Variants in CLSTN1 observed in about 807,000 individuals in gnomAD.
CLSTN1 encodes calsyntenin-1.
CLSTN1 carries 28 observed loss-of-function variants against 108.3 expected under a neutral mutation model. That is an observed-to-expected ratio of 0.26 (90% CI 0.19 to 0.35). The LOEUF is 0.35. Ranked by LOEUF, CLSTN1 falls within the 10% of genes least tolerant of loss-of-function variation. The probability of loss-of-function intolerance (pLI) is 1.00; values close to 1 mark genes in which losing one functional copy is unlikely to be tolerated. For missense variants in CLSTN1, 1,157 were observed against 1,302.6 expected, an observed-to-expected ratio of 0.89 and a Z score of 1.72; for synonymous variants, 524 against 534.9, an observed-to-expected ratio of 0.98 and a Z score of 0.28.
At chr1:9,810,282 G>A (rs1260936662) in intron 1 of CLSTN1, among the ~76,000 whole-genome samples, 3 of 151,326 alleles carry the variant, frequency 2.0e-5, no homozygotes, top group East Asian at 3.9e-4. Context: ...ACGAGACCAG[G>A]CTGGCCAACA....
chr1:9,808,443 T>C (rs1654596202), intron 1 of CLSTN1, among the ~76,000 whole-genome samples: 1 of 152,222 alleles, frequency 6.6e-6, no homozygotes, highest in South Asian at 2.1e-4. Flanking sequence ...AAGCATTGTT[T>C]ATAACAAATT....
Position 9,730,357 on chromosome 1 carries a change from C to CT in CLSTN1, c.*150dup. Reference sequence around the variant, plus strand: ...GAGGGTGGGCGGGGAGCCTAGGGTCCTACACACCAAGCACAGCGACGATCG... The same window carrying CT: ...GAGGGTGGGCGGGGAGCCTAGGGTCCTTACACACCAAGCACAGCGACGATCG... On this transcript the variant is annotated 3_prime_UTR_variant, in exon 19 of 19. Transcript: ENST00000377298. The surrounding 1 kb of genome is among the most constrained non-coding windows in gnomAD (Gnocchi z 5.6). 1.3e-6 allele frequency: 1 copy of CT among 754,418 alleles called. No homozygotes were observed. The highest frequency in any genetic ancestry group is 2.3e-6 in the Non-Finnish European group (1 of 433,820). 46.7% of individuals were successfully genotyped at this position (754,418 alleles called of 1,614,324 possible). A position where few individuals can be genotyped will look rare whatever the true frequency, so the allele number is the denominator to read the frequency against.
At position 9,729,304 on chromosome 1, in the gene CLSTN1, AAG is replaced by A. The variant is rs1191490026; in HGVS notation, c.*1202_*1203del. ...GAAATCTAAAATTTTACATGTAACT[AAG>A]AGCAAAGTGCTATGTGGGTTTTAGA... On this transcript the variant is annotated 3_prime_UTR_variant, in exon 19 of 19. Transcript: ENST00000377298. The A allele has an allele frequency of 6.6e-6, 1 of 152,604 alleles. No individual in the cohort carries two copies. Among genetic ancestry groups the A allele is most frequent in the Non-Finnish European group, 1.5e-5 (1 of 68,036 alleles). The allele number at this position is 152,604 out of a possible 1,614,324, so 9.5% of individuals were successfully genotyped here.
intron 1 of CLSTN1, among the ~76,000 whole-genome samples, chr1:9,778,592 G>C (rs935732836): frequency 2.6e-5 from 4 of 152,112 alleles, no homozygotes; most frequent in African/African-American, 9.7e-5. Flanking sequence ...TTAAGTTATG[G>C]AAGGTTAGAT....
At position 9,783,012 on chromosome 1, in the gene CLSTN1, G is replaced by GA. The variant is rs527661817; in HGVS notation, c.92-9619dup. On this transcript the variant is annotated intron_variant, in intron 1 of 18. Coordinates refer to ENST00000377298, the MANE Select transcript of CLSTN1 (RefSeq NM_001009566.3). Reference sequence around the variant, plus strand: ...ACAGAGCGAGACTCCATCTCAAAAAGAAAAAGAGAGAGAGAGGCTGGACCC... The same window carrying GA: ...ACAGAGCGAGACTCCATCTCAAAAAGAAAAAAGAGAGAGAGAGGCTGGACCC... Among the ~76,000 whole-genome samples, 659 of 151,886 alleles carry GA rather than the reference G, an allele frequency of 4.3e-3. 3 individuals are homozygous for GA. Among genetic ancestry groups the GA allele is most frequent in the African/African-American group, 0.014 (590 of 41,458 alleles).
chr1:9,752,405 A>G (rs1326312131), intron 4 of CLSTN1, among the ~76,000 whole-genome samples: 3 of 152,198 alleles, frequency 2.0e-5, no homozygotes, highest in African/African-American at 4.8e-5. Flanking sequence ...TTTTCAAGGG[A>G]AACAATAACA....
chr1:9,774,684 A>G (rs1652851110), intron 1 of CLSTN1, among the ~76,000 whole-genome samples: 1 of 151,984 alleles, frequency 6.6e-6, no homozygotes, highest in African/African-American at 2.4e-5. Flanking sequence ...AAGGGTCCCA[A>G]TCCAGCCCCC....
At chr1:9,753,213 G>A (rs570658703) in intron 4 of CLSTN1, among the ~76,000 whole-genome samples, 4 of 152,296 alleles carry the variant, frequency 2.6e-5, no homozygotes, top group African/African-American at 7.2e-5. Context: ...CAGGGTTCGC[G>A]CTCCTGTGAG....
chr1:9,789,524 CTT>C (rs747232627), intron 1 of CLSTN1, among the ~76,000 whole-genome samples: 3 of 151,502 alleles, frequency 2.0e-5, no homozygotes, highest in Non-Finnish European at 4.4e-5. Context: ...CAGAATGAAT[CTT>C]GTTTGACTTC....
At chr1:9,737,139 C>T (rs552560567) in intron 11 of CLSTN1, among the ~76,000 whole-genome samples, 1 of 152,080 alleles carries the variant, frequency 6.6e-6, no homozygotes, top group African/African-American at 2.4e-5. Context: ...TATCTAGAAA[C>T]AAGTCTTTTC....
At chr1:9,747,818 C>A (rs1048897412) in intron 7 of CLSTN1, among the ~76,000 whole-genome samples, 2 of 151,974 alleles carry the variant, frequency 1.3e-5, no homozygotes, top group Admixed American at 6.6e-5. Flanking sequence ...CCGAGGTGGG[C>A]GGATCACGAG....
At chr1:9,814,080 T>A (rs1234599775) in intron 1 of CLSTN1, among the ~76,000 whole-genome samples, 12 of 151,044 alleles carry the variant, frequency 7.9e-5, no homozygotes, top group Admixed American at 7.9e-4. Context: ...CCAGCCTGGG[T>A]GACAGAGCGA....
chr1:9,748,292 A>G (rs918455858), intron 7 of CLSTN1, among the ~76,000 whole-genome samples: 4 of 152,162 alleles, frequency 2.6e-5, no homozygotes, highest in Non-Finnish European at 5.9e-5. Flanking sequence ...TCATTTAGAT[A>G]AACCAGAAAA....
At chr1:9,775,524 C>T (rs948757907) in intron 1 of CLSTN1, among the ~76,000 whole-genome samples, 1 of 152,044 alleles carries the variant, frequency 6.6e-6, no homozygotes, top group Non-Finnish European at 1.5e-5. Flanking sequence ...CGATGTCAGA[C>T]GTCCTCCTGG....
intron 2 of CLSTN1, among the ~76,000 whole-genome samples, chr1:9,760,077 G>T (rs1651998657): frequency 1.3e-5 from 2 of 152,074 alleles, no homozygotes; most frequent in African/African-American, 4.8e-5. Flanking sequence ...CTTGTTGGTT[G>T]GTTGTTTTAG....
chr1:9,766,004 TCA>T (rs1652312270), intron 2 of CLSTN1, among the ~76,000 whole-genome samples: 1 of 152,100 alleles, frequency 6.6e-6, no homozygotes, highest in African/African-American at 2.4e-5. Flanking sequence ...CTGGCCACCC[TCA>T]GGGCATGTGA....
At chr1:9,803,824 A>T (rs1376281665) in intron 1 of CLSTN1, among the ~76,000 whole-genome samples, 5 of 152,070 alleles carry the variant, frequency 3.3e-5, no homozygotes, top group African/African-American at 4.8e-5. Flanking sequence ...ATAAAATTAA[A>T]TTTTTTTTAA....
chr1:9,765,951 TA>T (rs1025730439), intron 2 of CLSTN1, among the ~76,000 whole-genome samples: 4 of 152,060 alleles, frequency 2.6e-5, no homozygotes, highest in East Asian at 1.9e-4. Flanking sequence ...TTACATGTGC[TA>T]AAAAAGCAAA....
At chr1:9,801,684 A>G (rs1376480777) in intron 1 of CLSTN1, among the ~76,000 whole-genome samples, 1 of 152,154 alleles carries the variant, frequency 6.6e-6, no homozygotes, top group Non-Finnish European at 1.5e-5. Context: ...CCTCCCGAGT[A>G]GCTGGGATTA....
Sources: gnomAD v4.1 joint callset for allele counts (sites outside exome capture counted in the v4.1 genomes callset) on GRCh38, gnomAD v4.1.1 for gene constraint, Gnocchi (gnomAD v3.1) non-coding constraint, MANE v1.5 for transcripts, NCBI Gene and HGNC (gene_info 2026-07-23, HGNC 2026-07-21) for gene names.